The following RGS17 variants were observed in gnomAD, a reference collection of about 807,000 sequenced individuals.
RGS17 encodes the protein regulator of G-protein signaling 17.
A neutral mutation model predicts 25.5 loss-of-function variants in RGS17; 12 were observed. The ratio of observed to expected loss-of-function variants is 0.47; its 90% confidence interval spans 0.30 to 0.76. The LOEUF (loss-of-function observed/expected upper bound fraction) is 0.76. Among genes scored for constraint, RGS17 ranks in the 30% least tolerant of loss-of-function variants. The pLI is 0.07. For missense variants in RGS17, 196 were observed against 242.2 expected, an observed-to-expected ratio of 0.81 and a Z score of 1.27; for synonymous variants, 71 against 76.9, an observed-to-expected ratio of 0.92 and a Z score of 0.40.
intron 4 of RGS17, among the ~76,000 whole-genome samples, chr6:153,015,843 CG>C (rs1325440798): frequency 6.6e-6 from 1 of 151,992 alleles, no homozygotes; most frequent in Non-Finnish European, 1.5e-5. Flanking sequence ...TTAGTAGAGA[CG>C]GGGTTTCTCC....
chr6:153,028,848 C>G (rs1294465088), intron 2 of RGS17, among the ~76,000 whole-genome samples: 2 of 152,160 alleles, frequency 1.3e-5, no homozygotes, highest in African/African-American at 4.8e-5. Flanking sequence ...CATTTCCACA[C>G]AGTGTTCTAC....
chr6:153,097,820 A>G (rs111359639), intron 1 of RGS17, among the ~76,000 whole-genome samples: 2 of 152,150 alleles, frequency 1.3e-5, no homozygotes, highest in Non-Finnish European at 2.9e-5. Context: ...TGAGTGACAC[A>G]GGAGTAAGAA....
chr6:153,078,889 A>C (rs1270238819), intron 1 of RGS17, among the ~76,000 whole-genome samples: 1 of 151,870 alleles, frequency 6.6e-6, no homozygotes, highest in Non-Finnish European at 1.5e-5. Flanking sequence ...TTGGCATCTT[A>C]ATTTTGTATC....
intron 1 of RGS17, among the ~76,000 whole-genome samples, chr6:153,116,945 G>T (rs968354711): frequency 6.6e-6 from 1 of 152,122 alleles, no homozygotes; most frequent in African/African-American, 2.4e-5. Flanking sequence ...ACTAGGGGAG[G>T]GGTAGCATTA....
chr6:153,077,626 T>G (rs966676259), intron 1 of RGS17, among the ~76,000 whole-genome samples: 2 of 152,144 alleles, frequency 1.3e-5, no homozygotes, highest in Non-Finnish European at 2.9e-5. Flanking sequence ...ACAACAAAAC[T>G]AAATTGTGGT....
At chr6:153,031,909 G>A (rs1779367579) in intron 2 of RGS17, among the ~76,000 whole-genome samples, 1 of 152,122 alleles carries the variant, frequency 6.6e-6, no homozygotes, top group African/African-American at 2.4e-5. Context: ...TGTTATAGAA[G>A]GTTTTGACAG....
chr6:153,103,836 T>A (rs1177897108), intron 1 of RGS17, among the ~76,000 whole-genome samples: 1 of 152,156 alleles, frequency 6.6e-6, no homozygotes, highest in Non-Finnish European at 1.5e-5. Context: ...TTTTTCCCAA[T>A]AGAGGAAGAG....
intron 1 of RGS17, among the ~76,000 whole-genome samples, chr6:153,069,947 A>G (rs1035967427): frequency 2.6e-5 from 4 of 152,140 alleles, no homozygotes; most frequent in African/African-American, 9.7e-5. Context: ...TACAAAGCTC[A>G]TGCTGGTTCC....
intron 1 of RGS17, among the ~76,000 whole-genome samples, chr6:153,100,213 A>T (rs1043446655): frequency 6.6e-6 from 1 of 152,212 alleles, no homozygotes; most frequent in South Asian, 2.1e-4. Context: ...AGACCAAATT[A>T]ATTTTATTTA....
chr6:153,011,819 T>A, intron 4 of RGS17, 57 bp from the exon 5 acceptor site: 1 of 1,251,288 alleles, frequency 8.0e-7, no homozygotes, highest in Non-Finnish European at 1.1e-6. Context: ...AGACCTCAAT[T>A]AAGTAACTGT....
intron 2 of RGS17, among the ~76,000 whole-genome samples, chr6:153,031,889 A>G (rs1206949126): frequency 1.3e-5 from 2 of 152,220 alleles, no homozygotes; most frequent in Non-Finnish European, 2.9e-5. Context: ...TGAGATGAAC[A>G]AAAAGGAGTT....
intron 1 of RGS17, among the ~76,000 whole-genome samples, chr6:153,049,518 G>A (rs1174573608): frequency 5.3e-5 from 8 of 152,052 alleles, no homozygotes; most frequent in Non-Finnish European, 7.4e-5. Context: ...TTGGGAGGCC[G>A]AGGCGGGTGG....
At chr6:153,123,514 C>A (rs1777666696) in intron 1 of RGS17, among the ~76,000 whole-genome samples, 1 of 152,138 alleles carries the variant, frequency 6.6e-6, no homozygotes, top group African/African-American at 2.4e-5. Flanking sequence ...CATACAAAAT[C>A]TTTCCAGATC....
intron 1 of RGS17, among the ~76,000 whole-genome samples, chr6:153,099,304 T>C (rs1777261069): frequency 6.6e-6 from 1 of 152,202 alleles, no homozygotes; most frequent in Admixed American, 6.5e-5. Context: ...ATTTACTACT[T>C]ATTGATTTAT....
At chr6:153,019,575 T>G (rs1204305185) in intron 4 of RGS17, among the ~76,000 whole-genome samples, 1 of 152,152 alleles carries the variant, frequency 6.6e-6, no homozygotes, top group African/African-American at 2.4e-5. Context: ...TCTTCTTGGT[T>G]CTGTCCTTGA....
chr6:153,046,422 A>G (rs1307002044), intron 1 of RGS17, among the ~76,000 whole-genome samples: 1 of 152,090 alleles, frequency 6.6e-6, no homozygotes, highest in East Asian at 1.9e-4. Flanking sequence ...TAGAGTGATA[A>G]GTGACCTTAT....
intron 1 of RGS17, among the ~76,000 whole-genome samples, chr6:153,125,355 G>A (rs887240824): frequency 6.6e-6 from 1 of 152,160 alleles, no homozygotes; most frequent in Non-Finnish European, 1.5e-5. Context: ...TATTAATCAT[G>A]CTAGAATACT....
In RGS17 at chr6:153,024,238, C is replaced by T. The variant is rs1584121582; in HGVS notation, c.444+24G>A. 9 of 1,527,834 alleles carry T rather than the reference C, an allele frequency of 5.9e-6. No homozygotes were observed. In the East Asian group the frequency reaches 1.8e-4, roughly 31 times the overall value. 94.6% of individuals were successfully genotyped at this position (1,527,834 alleles called of 1,614,324 possible). ...GTTATCCTTGGTCTTAGGAAGCCCA[C>T]CTCAATGTTTTCCAGATTTTTACCT... On this transcript the variant is annotated intron_variant, in intron 4 of 4. Coordinates refer to ENST00000206262, the MANE Select transcript of RGS17 (RefSeq NM_012419.5).
chr6:153,066,811 G>A (rs1176979063), intron 1 of RGS17, among the ~76,000 whole-genome samples: 2 of 152,184 alleles, frequency 1.3e-5, no homozygotes, highest in African/African-American at 4.8e-5. Flanking sequence ...GGAGGCCAAG[G>A]AGGGTGGATT....
Sources: allele counts gnomAD v4.1 joint callset (sites outside exome capture counted in the v4.1 genomes callset), GRCh38; gene constraint gnomAD v4.1.1; transcripts MANE v1.5; gene names NCBI Gene and HGNC (gene_info 2026-07-23, HGNC 2026-07-21).